POLD1: variants seen among roughly 807,000 people sequenced by gnomAD.
POLD1 encodes the protein DNA polymerase delta 1, catalytic subunit.
A neutral mutation model predicts 129.7 loss-of-function variants in POLD1; 79 were observed. That is an observed-to-expected ratio of 0.61 (90% CI 0.51 to 0.73). POLD1 has a LOEUF of 0.73. Among genes scored for constraint, POLD1 ranks in the 30% least tolerant of loss-of-function variants. POLD1 has a pLI of 0.00. For missense variants in POLD1, 1,338 were observed against 1,595.8 expected (o/e 0.84, Z 2.75); for synonymous variants, 714 against 683.3 (o/e 1.04, Z -0.70).
At position 50,403,168 on chromosome 19, in the gene POLD1, C is replaced by T. The variant is rs1379420694; in HGVS notation, c.1086C>T (p.Pro362=). 1.3e-6 allele frequency: 2 copies of T among 1,562,226 alleles called. No individual in the cohort carries two copies. Among genetic ancestry groups the T allele is most frequent in the Admixed American group, 3.8e-5 (2 of 52,074 alleles). ...RLALTLRPCA[P]ILGAKVQSYE... ...CGCTCACCCTGCGGCCCTGTGCCCC[C>T]ATCCTGGGTGCCAAGGTGCAGAGCT... Residue 362 remains proline, a synonymous_variant, in exon 9 of 27, where the codon CCC becomes CCT. Coordinates refer to ENST00000440232, the MANE Select transcript of POLD1 (RefSeq NM_002691.4).
chr19:50,404,279 C>G (rs1346714947), intron 10 of POLD1, among the ~76,000 whole-genome samples: 83 of 145,154 alleles, frequency 5.7e-4, no homozygotes, highest in African/African-American at 2.1e-3. Flanking sequence ...TTTTTTTTTT[C>G]CAAGACAAAG....
In POLD1 at chr19:50,406,292, G is replaced by A. The variant is rs2122320785; in HGVS notation, c.1353G>A (p.Met451Ile). Residue 451 changes from methionine (M) to isoleucine (I), a missense_variant, in exon 11 of 27, where the codon ATG (methionine) becomes ATA (isoleucine). Coordinates refer to ENST00000440232, the MANE Select transcript of POLD1 (RefSeq NM_002691.4). This position sits in a 1 kb window ranked among gnomAD's most constrained non-coding sequence, Gnocchi z 5.5. ...GGCGGGACACCAAGGTTGTCAGCAT[G>A]GTGGGCCGCGTGCAGATGGACATGC... ...TGRRDTKVVS[M>I]VGRVQMDMLQ... The A allele has an allele frequency of 1.9e-6, 3 of 1,614,022 alleles. No individual in the cohort carries two copies. The highest frequency in any genetic ancestry group is 2.5e-6 in the Non-Finnish European group (3 of 1,179,978).
chr19:50,385,821 G>A (rs1443038986), intron 1 of POLD1, among the ~76,000 whole-genome samples: 1 of 151,514 alleles, frequency 6.6e-6, no homozygotes, highest in Non-Finnish European at 1.5e-5. Context: ...GAGCCACCAC[G>A]CACGGCCGCT....
Position 50,409,800 on chromosome 19 carries a change from C to A in POLD1, c.2154+134C>A. The A allele has an allele frequency of 2.1e-6, 2 of 969,950 alleles. No individual in the cohort carries two copies. The highest frequency in any genetic ancestry group is 3.1e-6 in the Non-Finnish European group (2 of 653,776). 60.1% of individuals were successfully genotyped at this position (969,950 alleles called of 1,614,324 possible). On this transcript the variant is annotated intron_variant, in intron 17 of 26. Transcript: ENST00000440232. This position sits in a 1 kb window ranked among gnomAD's most constrained non-coding sequence, Gnocchi z 5.8. ...CACTGGCCTTCTAGAGAGAGGATGC[C>A]AATGTGGCTTGAGCAATTGGTCCAT... is the stretch of plus-strand genomic sequence containing the variant.
chr19:50,401,385 ATATATATTTTTTTTTTTTTT>A (rs2038610649), intron 3 of POLD1, among the ~76,000 whole-genome samples: 5 of 58,290 alleles, frequency 8.6e-5, no homozygotes, highest in African/African-American at 4.0e-4. Flanking sequence ...ATATATATAT[ATATATATTTTTTTTTTTTTT>A]TTTTTTTTTT....
rs773918214 is a variant in POLD1, at chr19:50,408,904, A to G, written c.1892+3A>G. On this transcript the variant is annotated splice_donor_region_variant and intron_variant, in intron 15 of 26. Coordinates refer to ENST00000440232, the MANE Select transcript of POLD1 (RefSeq NM_002691.4). ...CCCGGGACTGCACAGAAACTGGGGT[A>G]TAGTGCCCAATTCAGCATGTGTCCC... 6 of 1,607,478 alleles carry G rather than the reference A, an allele frequency of 3.7e-6. No individual in the cohort carries two copies. The South Asian group carries it at 6.7e-5, about 18-fold the overall frequency.
rs149658290 is a variant in POLD1, at chr19:50,413,747, G to A, written c.2256G>A (p.Val752=). 29 of 1,604,462 alleles carry A rather than the reference G, an allele frequency of 1.8e-5. No individual in the cohort carries two copies. The highest frequency in any genetic ancestry group is 1.3e-4 in the East Asian group (6 of 44,832). The change falls in exon 19 of 27, where the codon GTG becomes GTA. Residue 752 remains valine (V), a synonymous_variant. Coordinates refer to ENST00000440232, the MANE Select transcript of POLD1 (RefSeq NM_002691.4). The part of the protein sequence containing the change: ...ENGYSTSAKV[V]YGDTDSVMCR... Reference sequence around the variant, plus strand: ...CACATCCCCACCGCCCGCAGGTGGTGTATGGTGACACTGACTCCGTCATGT... The same window carrying A: ...CACATCCCCACCGCCCGCAGGTGGTATATGGTGACACTGACTCCGTCATGT...
intron 3 of POLD1, among the ~76,000 whole-genome samples, chr19:50,400,351 G>T (rs184601643): frequency 9.3e-4 from 136 of 146,962 alleles, no homozygotes; most frequent in African/African-American, 3.2e-3. Flanking sequence ...CTCCCAAGTA[G>T]CTGGGATTAC....
chr19:50,402,224 G>A lies in POLD1; in HGVS notation c.609G>A (p.Gly203=). 6.3e-7 allele frequency: 1 copy of A among 1,586,482 alleles called. No homozygotes were observed. Among genetic ancestry groups the A allele is most frequent in the Non-Finnish European group, 8.6e-7 (1 of 1,165,252 alleles). The change falls in exon 6 of 27, where the codon GGG becomes GGA. Residue 203 remains glycine, a synonymous_variant. Transcript: ENST00000440232. ...CSRESMFGYH[G]HGPSPFLRIT... Reference sequence around the variant, plus strand: ...CCACAGGCATGTTTGGGTACCACGGGCACGGCCCCTCCCCGTTCCTGCGCA... The same window carrying A: ...CCACAGGCATGTTTGGGTACCACGGACACGGCCCCTCCCCGTTCCTGCGCA...
chr19:50,417,641 G>GCACCTC (rs1182681114), intron 26 of POLD1, among the ~76,000 whole-genome samples: 1 of 150,758 alleles, frequency 6.6e-6, no homozygotes, highest in Non-Finnish European at 1.5e-5. Flanking sequence ...CCATGGCCCT[G>GCACCTC]CACCTCGCCA....
intron 14 of POLD1, 72 bp from the exon 15 acceptor site, chr19:50,408,713 G>A: frequency 2.5e-6 from 4 of 1,579,110 alleles, no homozygotes; most frequent in Middle Eastern, 1.7e-4. Flanking sequence ...AAAGGGTGAG[G>A]CCACAAGACA....
intron 17 of POLD1, among the ~76,000 whole-genome samples, chr19:50,410,745 G>T (rs2039061028): frequency 6.6e-6 from 1 of 151,996 alleles, no homozygotes; most frequent in South Asian, 2.1e-4. Context: ...CCAACCAGAG[G>T]CTCTCACCCA....
intron 3 of POLD1, among the ~76,000 whole-genome samples, chr19:50,401,383 ATATATATATTTTT>A (rs1166029190): frequency 1.7e-5 from 1 of 58,160 alleles, no homozygotes; most frequent in African/African-American, 7.8e-5. Flanking sequence ...ATATATATAT[ATATATATATTTTT>A]TTTTTTTTTT....
In POLD1 at chr19:50,407,216, C is replaced by T. The variant is rs185839121; in HGVS notation, c.1686+42C>T. 71 of 1,566,638 alleles carry T rather than the reference C, an allele frequency of 4.5e-5. No individual in the cohort carries two copies. The African/African-American group carries it at 7.7e-4, about 17-fold the overall frequency. ...TGTCCTCGCCACCCCCCACCAGGCA[C>T]GTCTGTGGCCCCCTCCAGGCAATGG... On this transcript the variant is annotated intron_variant, in intron 13 of 26. Coordinates refer to ENST00000440232, the MANE Select transcript of POLD1 (RefSeq NM_002691.4).
rs764130367 is a variant in POLD1 at position 50,401,779 on chromosome 19, C to A, written c.318C>A (p.Gly106=). ...CTGTCTTACCCTGTGACCCCACAGGCCCAGCGCAGCCTGTGCCTGGGGGGC... is the reference window on the plus strand; with the variant it reads ...CTGTCTTACCCTGTGACCCCACAGGACCAGCGCAGCCTGTGCCTGGGGGGC... The part of the protein sequence containing the change: ...FQQLEIDHYV[G]PAQPVPGGPP... Residue 106 remains glycine, a splice_region_variant and synonymous_variant, in exon 4 of 27, where the codon GGC becomes GGA. Coordinates refer to ENST00000440232, the MANE Select transcript of POLD1 (RefSeq NM_002691.4). 3 of 1,611,838 alleles carry A rather than the reference C, an allele frequency of 1.9e-6. No homozygotes were observed. Among genetic ancestry groups the A allele is most frequent in the Non-Finnish European group, 8.5e-7 (1 of 1,179,786 alleles).
Position 50,403,201 on chromosome 19 carries a change from G to T in POLD1, c.1119G>T (p.Lys373Asn). 6.4e-7 allele frequency: 1 copy of T among 1,559,558 alleles called. No individual in the cohort carries two copies. The highest frequency in any genetic ancestry group is 8.7e-7 in the Non-Finnish European group (1 of 1,151,046). Reference protein sequence around the residue: ...ILGAKVQSYEKEEDLLQAWST... With the variant: ...ILGAKVQSYENEEDLLQAWST... Reference sequence around the variant, plus strand: ...GTGCCAAGGTGCAGAGCTACGAGAAGGAGGAGGACCTGCTGCAGGTAGCTC... The same window carrying T: ...GTGCCAAGGTGCAGAGCTACGAGAATGAGGAGGACCTGCTGCAGGTAGCTC... Residue 373 changes from lysine (K) to asparagine (N), a missense_variant, in exon 9 of 27, where the codon AAG becomes AAT. By Grantham distance (94) the Lys-to-Asn change is moderately conservative. Transcript: ENST00000440232.
chr19:50,414,605 C>T (rs1207528251), intron 19 of POLD1, among the ~76,000 whole-genome samples: 1 of 152,232 alleles, frequency 6.6e-6, no homozygotes, highest in Admixed American at 6.5e-5. Flanking sequence ...AGATTGGGGT[C>T]TCTGGTGTGG....
At chr19:50,387,451 G>A (rs1291970690) in intron 1 of POLD1, among the ~76,000 whole-genome samples, 2 of 152,104 alleles carry the variant, frequency 1.3e-5, no homozygotes, top group Non-Finnish European at 2.9e-5. Context: ...GGTCGTGAGA[G>A]GGGCAGAGGA....
chr19:50,417,681 C>A (rs1348734427), intron 26 of POLD1, among the ~76,000 whole-genome samples, 161 bp from the exon 27 acceptor site: 219 of 96,420 alleles, frequency 2.3e-3, no homozygotes, highest in African/African-American at 4.6e-3. Context: ...TCCCCCCCCC[C>A]ACCCCCCCCG....
Sources: gnomAD v4.1 joint callset for allele counts (sites outside exome capture counted in the v4.1 genomes callset) on GRCh38, gnomAD v4.1.1 for gene constraint, Gnocchi (gnomAD v3.1) non-coding constraint, MANE v1.5 for transcripts, NCBI Gene and HGNC (gene_info 2026-07-23, HGNC 2026-07-21) for gene names.